NLGN1: variants seen among roughly 807,000 people sequenced by gnomAD.
The protein encoded by NLGN1 is neuroligin-1.
Under a neutral mutation model 65.5 loss-of-function variants are expected in NLGN1, and 12 were observed. The observed-to-expected ratio is 0.18, with a 90% CI of 0.12 to 0.30. The LOEUF (loss-of-function observed/expected upper bound fraction) is 0.30. Ranked by LOEUF, NLGN1 falls within the 10% of genes least tolerant of loss-of-function variation. The probability of loss-of-function intolerance (pLI) is 1.00; values close to 1 mark genes in which losing one functional copy is unlikely to be tolerated. For missense variants in NLGN1, 750 were observed against 1,007.1 expected, an observed-to-expected ratio of 0.74 and a Z score of 3.46; for synonymous variants, 350 against 359.5, an observed-to-expected ratio of 0.97 and a Z score of 0.30.
intron 4 of NLGN1, among the ~76,000 whole-genome samples, chr3:173,998,643 C>G (rs1722718765): frequency 6.6e-6 from 1 of 152,160 alleles, no homozygotes; most frequent in South Asian, 2.1e-4. Flanking sequence ...ATTAAGTCTA[C>G]TTACACTGCT....
At chr3:173,501,353 T>G (rs1731094015) in intron 2 of NLGN1, among the ~76,000 whole-genome samples, 2 of 152,038 alleles carry the variant, frequency 1.3e-5, no homozygotes, top group South Asian at 4.1e-4. Flanking sequence ...TATCTCAGAG[T>G]TTTAAACAGG....
intron 4 of NLGN1, among the ~76,000 whole-genome samples, chr3:173,866,309 G>A (rs551569173): frequency 1.1e-4 from 17 of 152,190 alleles, no homozygotes; most frequent in Non-Finnish European, 2.1e-4. Flanking sequence ...TTGAGATTGC[G>A]TCATTGCATT....
chr3:174,012,252 C>T (rs1326768942), intron 4 of NLGN1, among the ~76,000 whole-genome samples: 1 of 152,172 alleles, frequency 6.6e-6, no homozygotes, highest in Non-Finnish European at 1.5e-5. Context: ...GCTAAGTTCA[C>T]CTGGCCCTAT....
intron 4 of NLGN1, among the ~76,000 whole-genome samples, chr3:173,924,379 A>G (rs971062406): frequency 6.6e-6 from 1 of 152,146 alleles, no homozygotes; most frequent in Non-Finnish European, 1.5e-5. Flanking sequence ...TAAAAGTCCA[A>G]AGACAGAAAG....
rs143064465 is a variant in NLGN1 at position 173,645,348 on chromosome 3, C to T, written c.493+40257C>T. Among the ~76,000 whole-genome samples the T allele has an allele frequency of 6.4e-3, 969 of 152,314 alleles. 14 individuals carry two copies. Among genetic ancestry groups the T allele is most frequent in the African/African-American group, 0.022 (921 of 41,570 alleles). ...GGGCCCCCGTAGTGCTGGATTCCCA[C>T]CAACATTGGGCTTTTGGAGGTTTCA... is the stretch of plus-strand genomic sequence containing the variant. On this transcript the variant is annotated intron_variant, in intron 3 of 6. Transcript: ENST00000457714.
At chr3:173,957,127 A>G (rs1712273492) in intron 4 of NLGN1, among the ~76,000 whole-genome samples, 2 of 152,310 alleles carry the variant, frequency 1.3e-5, no homozygotes, top group South Asian at 4.1e-4. Context: ...TGAGAATTAG[A>G]TACTATTTAA....
intron 4 of NLGN1, among the ~76,000 whole-genome samples, chr3:174,255,637 CTATTTATTTATTTATTTATT>C (rs140772917): frequency 1.4e-5 from 2 of 141,880 alleles, no homozygotes; most frequent in Admixed American, 7.0e-5. Flanking sequence ...TTCTTTTCTT[CTATTTATTTATTTATTTATT>C]TATTTATTTA....
chr3:174,265,777 A>ATATGTG (rs1315774679), intron 4 of NLGN1, among the ~76,000 whole-genome samples: 1 of 122,172 alleles, frequency 8.2e-6, no homozygotes, highest in South Asian at 2.7e-4. Context: ...ATATATATAT[A>ATATGTG]TATATGTATA....
intron 4 of NLGN1, among the ~76,000 whole-genome samples, chr3:174,029,580 A>G (rs1729517198): frequency 6.6e-6 from 1 of 151,976 alleles, no homozygotes; most frequent in African/African-American, 2.4e-5. Flanking sequence ...ACCTTGGGGG[A>G]CTGTTGGGAA....
In NLGN1 at chr3:173,451,473, G is replaced by T. The variant is rs576046221; in HGVS notation, c.-321+16395G>T. On this transcript the variant is annotated intron_variant, in intron 2 of 6. Transcript: ENST00000457714. The stretch of plus-strand genomic sequence containing the variant: ...TGTGAGGTGTCAGTCCGCCCCTAAT[G>T]GGGGGTGCCTCCCAGTTAGGCTACT... Among the ~76,000 whole-genome samples, 723 of 152,288 alleles carry T rather than the reference G, an allele frequency of 4.7e-3. 2 individuals are homozygous for T. The highest frequency in any genetic ancestry group is 6.8e-3 in the Non-Finnish European group (461 of 68,030).
At position 173,766,859 on chromosome 3, in the gene NLGN1, T is replaced by A. The variant is rs145992515; in HGVS notation, c.494-40821T>A. Among the ~76,000 whole-genome samples, 260 of 152,362 alleles carry A rather than the reference T, an allele frequency of 1.7e-3. 7 individuals carry two copies. In the East Asian group the frequency reaches 0.044, roughly 26 times the overall value. Reference sequence around the variant, plus strand: ...TAAAAAGAATTTTATGGCTGTCATCTTATACAGAGTATCATTAAATAACAT... The same window carrying A: ...TAAAAAGAATTTTATGGCTGTCATCATATACAGAGTATCATTAAATAACAT... On this transcript the variant is annotated intron_variant, in intron 3 of 6. Transcript: ENST00000457714.
At chr3:174,200,402 G>A (rs1188722568) in intron 4 of NLGN1, among the ~76,000 whole-genome samples, 1 of 152,160 alleles carries the variant, frequency 6.6e-6, no homozygotes, top group African/African-American at 2.4e-5. Context: ...TTCTGACTTA[G>A]AAAGACTTCC....
At chr3:173,624,900 C>A (rs1359259466) in intron 3 of NLGN1, among the ~76,000 whole-genome samples, 1 of 149,888 alleles carries the variant, frequency 6.7e-6, no homozygotes, top group Non-Finnish European at 1.5e-5. Flanking sequence ...TGGAGGCTTT[C>A]AGATAGTTCC....
chr3:173,679,877 A>G (rs1429187475), intron 3 of NLGN1, among the ~76,000 whole-genome samples: 2 of 152,114 alleles, frequency 1.3e-5, no homozygotes, highest in African/African-American at 2.4e-5. Context: ...AACCCCCTCT[A>G]TGTCCTACAG....
chr3:173,831,986 C>G (rs1412071177), intron 4 of NLGN1, among the ~76,000 whole-genome samples: 2 of 141,078 alleles, frequency 1.4e-5, no homozygotes, highest in Admixed American at 1.4e-4. Flanking sequence ...GACATATAGT[C>G]TTACTTTGTT....
At chr3:174,232,590 A>G (rs908859507) in intron 4 of NLGN1, among the ~76,000 whole-genome samples, 1 of 152,228 alleles carries the variant, frequency 6.6e-6, no homozygotes, top group Non-Finnish European at 1.5e-5. Context: ...ACAGAAATGA[A>G]TATACCATCC....
At chr3:173,872,703 C>A (rs7630709) in intron 4 of NLGN1, among the ~76,000 whole-genome samples, 23,149 of 152,026 alleles carry the variant, frequency 0.15, 1,888 homozygotes, top group Middle Eastern at 0.17. Flanking sequence ...CACTGAGGTC[C>A]TGCCGACTTG....
At chr3:173,676,249 C>G (rs951511686) in intron 3 of NLGN1, among the ~76,000 whole-genome samples, 9 of 152,080 alleles carry the variant, frequency 5.9e-5, no homozygotes, top group Non-Finnish European at 1.2e-4. Flanking sequence ...GGTAGTGATG[C>G]CTTTGACAGA....
intron 4 of NLGN1, among the ~76,000 whole-genome samples, chr3:173,981,863 G>A (rs1718859003): frequency 6.6e-6 from 1 of 151,280 alleles, no homozygotes; most frequent in Non-Finnish European, 1.5e-5. Context: ...CCTAACTTAA[G>A]TAATATGTGT....
Sources: allele counts gnomAD v4.1 joint callset (sites outside exome capture counted in the v4.1 genomes callset), GRCh38; gene constraint gnomAD v4.1.1; transcripts MANE v1.5; gene names NCBI Gene and HGNC (gene_info 2026-07-23, HGNC 2026-07-21).